Variants in ZNF468 observed in about 807,000 individuals in gnomAD.
ZNF468 encodes the protein zinc finger protein ZNF468.
A neutral mutation model predicts 7.2 loss-of-function variants in ZNF468; 8 were observed. The ratio of observed to expected loss-of-function variants is 1.11; its 90% CI spans 0.65 to 2.01. The LOEUF (loss-of-function observed/expected upper bound fraction) is 2.01, where lower values mean the gene tolerates loss of function less well. Ranked by LOEUF, ZNF468 falls within the 30% of genes most tolerant of loss-of-function variation. ZNF468 has a pLI of 0.00. For missense variants in ZNF468, 608 were observed against 626.5 expected, an observed-to-expected ratio of 0.97 and a Z score of 0.31; for synonymous variants, 218 against 214.4, an observed-to-expected ratio of 1.02 and a Z score of -0.15.
intron 2 of ZNF468, chr19:52,849,591 T>C: frequency 4.1e-6 from 1 of 244,408 alleles, no homozygotes; most frequent in Non-Finnish European, 7.9e-6. Context: ...CAGTAAAAGA[T>C]AGGCTGGGCA....
At position 52,848,000 on chromosome 19, in the gene ZNF468, C is replaced by T. The variant is rs770802470; in HGVS notation, c.142+1087G>A. On this transcript the variant is annotated intron_variant, in intron 3 of 3. Transcript: ENST00000595646. The stretch of plus-strand genomic sequence containing the variant: ...TTCTTTTCTGAGTTTCTCATCCCAC[C>T]TGACGAGAAATACCCACAGGTATGG... 1.3e-4 allele frequency among the ~76,000 whole-genome samples: 20 copies of T among 152,186 alleles called. 1 individual carries two copies. The highest frequency in any genetic ancestry group is 2.2e-4 in the Non-Finnish European group (15 of 68,036).
At chr19:52,853,890 T>C in intron 2 of ZNF468, 2 of 1,286,934 alleles carry the variant, frequency 1.6e-6, no homozygotes, top group Non-Finnish European at 2.0e-6. Flanking sequence ...TCGTGCATAT[T>C]AATACGTGAC....
intron 1 of ZNF468, 89 bp from the exon 2 acceptor site, chr19:52,854,434 G>T: frequency 7.6e-7 from 1 of 1,310,492 alleles, no homozygotes; most frequent in Non-Finnish European, 1.0e-6. Flanking sequence ...ACCTCACCCT[G>T]GGAAATACGG....
At chr19:52,853,979 T>C (rs2063413519) in intron 2 of ZNF468, 1 of 1,462,770 alleles carries the variant, frequency 6.8e-7, no homozygotes, top group South Asian at 1.4e-5. Context: ...CAATCCCTGC[T>C]GCCCAAGAGC....
chr19:52,843,120 C>CAAAA (rs11356842), intron 3 of ZNF468, among the ~76,000 whole-genome samples: 7 of 68,648 alleles, frequency 1.0e-4, no homozygotes, highest in Non-Finnish European at 1.3e-4. Flanking sequence ...GACTCTGTCT[C>CAAAA]AAAAAAAAAA....
intron 2 of ZNF468, among the ~76,000 whole-genome samples, chr19:52,851,846 T>C (rs893970325): frequency 6.6e-6 from 1 of 152,014 alleles, no homozygotes; most frequent in African/African-American, 2.4e-5. Context: ...CACAAGAAAT[T>C]AGATGTTAAG....
intron 3 of ZNF468, among the ~76,000 whole-genome samples, chr19:52,845,653 C>T (rs1352188545): frequency 6.6e-6 from 1 of 151,770 alleles, no homozygotes; most frequent in East Asian, 1.9e-4. Flanking sequence ...AGTGAGACTC[C>T]ATCTCAAAAA....
Position 52,838,518 on chromosome 19 carries a change from C to G in ZNF468, c.*2207G>C, listed in dbSNP as rs2063266575. ...AGAACAATGAAATAGCAAAAGAAAT[C>G]AAACTCATCCAAATCAGAAAGAAAG... is the stretch of plus-strand genomic sequence containing the variant. On this transcript the variant is annotated 3_prime_UTR_variant, in exon 4 of 4. Transcript: ENST00000595646. 6.6e-6 allele frequency: 1 copy of G among 152,090 alleles called. No individual in the cohort carries two copies. The highest frequency in any genetic ancestry group is 1.5e-5 in the Non-Finnish European group (1 of 68,026). The allele number at this position is 152,090 out of a possible 1,614,324, so 9.4% of individuals were successfully genotyped here.
chr19:52,843,744 A>G (rs1175284832), intron 3 of ZNF468, among the ~76,000 whole-genome samples: 1 of 152,192 alleles, frequency 6.6e-6, no homozygotes, highest in African/African-American at 2.4e-5. Flanking sequence ...TCACCAGCAC[A>G]CAGTGTAAGA....
In ZNF468 at chr19:52,856,522, T is replaced by C. The variant is rs2063440640; in HGVS notation, c.-74+1050A>G. Among the ~76,000 whole-genome samples the C allele has an allele frequency of 1.6e-5, 2 of 122,898 alleles. 1 individual carries two copies. Among genetic ancestry groups the C allele is most frequent in the Admixed American group, 1.9e-4 (2 of 10,780 alleles). The allele number at this position is 122,898 out of a possible 152,430, so 80.6% of individuals were successfully genotyped here. A position where few individuals can be genotyped will look rare whatever the true frequency, so the allele number is the denominator to read the frequency against. ...CTGTTAAATTCTCTCTTCTCTGTTATAACCCCCTGGACCCAATCTGGCACC... is the reference window on the plus strand; with the variant it reads ...CTGTTAAATTCTCTCTTCTCTGTTACAACCCCCTGGACCCAATCTGGCACC... On this transcript the variant is annotated intron_variant, in intron 1 of 3. Coordinates refer to ENST00000595646, the MANE Select transcript of ZNF468 (RefSeq NM_001008801.2).
At position 52,839,954 on chromosome 19, in the gene ZNF468, CAA is replaced by C; in HGVS notation, c.*769_*770del. On this transcript the variant is annotated 3_prime_UTR_variant, in exon 4 of 4. Transcript: ENST00000595646. ...ACTTTGTGACAATCATTACATTAGT[CAA>C]GTTTCCCTATACCATGGATTGCTTG... is the stretch of plus-strand genomic sequence containing the variant. 1 of 1,210,340 alleles carries C rather than the reference CAA, an allele frequency of 8.3e-7. No homozygotes were observed. The allele number at this position is 1,210,340 out of a possible 1,614,324, so 75.0% of individuals were successfully genotyped here.
At position 52,854,387 on chromosome 19, in the gene ZNF468, C is replaced by A. The variant is rs192816485; in HGVS notation, c.-73-42G>T. 2.5e-3 allele frequency: 3,816 copies of A among 1,549,412 alleles called. 12 individuals are homozygous for A. The highest frequency in any genetic ancestry group is 3.0e-3 in the Non-Finnish European group (3,343 of 1,131,410). On this transcript the variant is annotated intron_variant, in intron 1 of 3. Transcript: ENST00000595646. ...TGTTGTTTATCACTCAGAATCAACACACCCCCTCCCTTAACACAATGACAC... is the reference window on the plus strand; with the variant it reads ...TGTTGTTTATCACTCAGAATCAACAAACCCCCTCCCTTAACACAATGACAC...
At chr19:52,850,840 A>G (rs2063383293) in intron 2 of ZNF468, among the ~76,000 whole-genome samples, 1 of 151,940 alleles carries the variant, frequency 6.6e-6, no homozygotes, top group Non-Finnish European at 1.5e-5. Context: ...TGGAGCTTGC[A>G]GTGAGCCGAG....
rs964310832 is a variant in ZNF468 at position 52,850,751 on chromosome 19, T to G, written c.16-1538A>C. Among the ~76,000 whole-genome samples the G allele has an allele frequency of 6.2e-4, 94 of 151,114 alleles. 1 individual carries two copies. The highest frequency in any genetic ancestry group is 2.3e-3 in the African/African-American group (93 of 41,126). On this transcript the variant is annotated intron_variant, in intron 2 of 3. Transcript: ENST00000595646. The stretch of plus-strand genomic sequence containing the variant: ...CATCTCTACTAAAAATACAAAAAAT[T>G]AGCCGGGCGTGGTGGCGGGCGCCTG...
chr19:52,851,520 T>G (rs1284095089), intron 2 of ZNF468, among the ~76,000 whole-genome samples: 1 of 152,010 alleles, frequency 6.6e-6, no homozygotes, highest in Non-Finnish European at 1.5e-5. Context: ...GAGGTTGCAG[T>G]GAGCCGAGAA....
chr19:52,843,453 G>C (rs1011760286), intron 3 of ZNF468, among the ~76,000 whole-genome samples: 10 of 151,944 alleles, frequency 6.6e-5, no homozygotes, highest in African/African-American at 2.2e-4. Flanking sequence ...GGCTGGTCTC[G>C]AACTCCTGAC....
intron 3 of ZNF468, among the ~76,000 whole-genome samples, chr19:52,846,058 G>A (rs1346222395): frequency 6.6e-6 from 1 of 152,054 alleles, no homozygotes; most frequent in Non-Finnish European, 1.5e-5. Flanking sequence ...ACTGGCATAT[G>A]TATACCTTTT....
intron 3 of ZNF468, among the ~76,000 whole-genome samples, 177 bp downstream of exon 3, chr19:52,848,910 T>C (rs563432512): frequency 4.6e-5 from 7 of 152,134 alleles, no homozygotes; most frequent in South Asian, 2.1e-4. Flanking sequence ...TCATGAAGAA[T>C]GCAGAACATC....
In ZNF468 at chr19:52,839,810, T is replaced by C. The variant is rs2063279186; in HGVS notation, c.*915A>G. The stretch of plus-strand genomic sequence containing the variant: ...TATAAGGTTTCTCTCCAGCATGAGT[T>C]CACCAGTGAAATGCAAGGCATGAAC... On this transcript the variant is annotated 3_prime_UTR_variant, in exon 4 of 4. Coordinates refer to ENST00000595646, the MANE Select transcript of ZNF468 (RefSeq NM_001008801.2). 2 of 511,784 alleles carry C rather than the reference T, an allele frequency of 3.9e-6. No homozygotes were observed. The highest frequency in any genetic ancestry group is 7.5e-6 in the Non-Finnish European group (2 of 265,112). The allele number at this position is 511,784 out of a possible 1,614,324, so 31.7% of individuals were successfully genotyped here.
Sources: allele counts gnomAD v4.1 joint callset (sites outside exome capture counted in the v4.1 genomes callset), GRCh38; gene constraint gnomAD v4.1.1; transcripts MANE v1.5; gene names NCBI Gene and HGNC (gene_info 2026-07-23, HGNC 2026-07-21).